FAM171A1: variants seen among roughly 807,000 people sequenced by gnomAD.
The protein encoded by FAM171A1 is family with sequence similarity 171 member A1, also known as protein FAM171A1.
FAM171A1 carries 23 observed loss-of-function variants against 74.9 expected under a neutral mutation model. The ratio of observed to expected loss-of-function variants is 0.31; its 90% CI spans 0.22 to 0.44. The LOEUF is 0.44. Among genes scored for constraint, FAM171A1 ranks in the 20% least tolerant of loss-of-function variants. The pLI is 1.00. For synonymous variants in FAM171A1, 527 were observed against 505.7 expected (o/e 1.04, Z -0.57); for missense variants, 1,162 against 1,159.2 (o/e 1.00, Z -0.03).
rs1389780961 is a variant in FAM171A1 at position 15,248,736 on chromosome 10, C to A, written c.657G>T (p.Leu219=). ...HLLSSNGTPV[L]VDGPIYVTVP... ...CAGTGACATAGATGGGACCATCCAC[C>A]AGCACCGGCGTTCCATTACTGCTCA... The change falls in exon 5 of 8, where the codon CTG becomes CTT. Residue 219 remains leucine, a synonymous_variant. Coordinates refer to ENST00000378116, the MANE Select transcript of FAM171A1 (RefSeq NM_001010924.2). 4.3e-6 allele frequency: 7 copies of A among 1,613,876 alleles called. No homozygotes were observed. Among genetic ancestry groups the A allele is most frequent in the Non-Finnish European group, 5.9e-6 (7 of 1,179,852 alleles).
chr10:15,247,164 T>C (rs1041505752), intron 5 of FAM171A1, among the ~76,000 whole-genome samples: 2 of 152,230 alleles, frequency 1.3e-5, no homozygotes, highest in African/African-American at 4.8e-5. Context: ...AAGTATGATA[T>C]ATCCACAGGG....
In FAM171A1 at chr10:15,312,689, T is replaced by G. The variant is rs1386831600; in HGVS notation, c.98-28584A>C. The stretch of plus-strand genomic sequence containing the variant: ...GCACTGTGTGTTTTTTTTTTTTTTT[T>G]TTTTTTTTTTTTTTTTTTTTTTTTT... On this transcript the variant is annotated intron_variant, in intron 1 of 7. Coordinates refer to ENST00000378116, the MANE Select transcript of FAM171A1 (RefSeq NM_001010924.2). 4.6e-3 allele frequency among the ~76,000 whole-genome samples: 324 copies of G among 70,312 alleles called. 1 individual carries two copies. Among genetic ancestry groups the G allele is most frequent in the Non-Finnish European group, 7.4e-3 (243 of 32,914 alleles). The allele number at this position is 70,312 out of a possible 152,430, so 46.1% of individuals were successfully genotyped here. A position where few individuals can be genotyped will look rare whatever the true frequency, so the allele number is the denominator to read the frequency against.
chr10:15,292,715 G>A (rs7920015), intron 1 of FAM171A1, among the ~76,000 whole-genome samples: 1 of 151,982 alleles, frequency 6.6e-6, no homozygotes, highest in Non-Finnish European at 1.5e-5. Flanking sequence ...TGAACTCCCG[G>A]ACTCAAGCAA....
At chr10:15,321,612 A>G (rs1437097276) in intron 1 of FAM171A1, among the ~76,000 whole-genome samples, 2 of 152,196 alleles carry the variant, frequency 1.3e-5, no homozygotes, top group African/African-American at 4.8e-5. Context: ...CAAAAGACAA[A>G]CTTTGAGTTT....
intron 1 of FAM171A1, among the ~76,000 whole-genome samples, chr10:15,344,334 G>C (rs1009420000): frequency 6.6e-6 from 1 of 152,160 alleles, no homozygotes; most frequent in Admixed American, 6.5e-5. Flanking sequence ...TTGAGCCCAG[G>C]AGTTTGAGAC....
At chr10:15,298,476 G>C (rs1242876293) in intron 1 of FAM171A1, among the ~76,000 whole-genome samples, 1 of 152,170 alleles carries the variant, frequency 6.6e-6, no homozygotes, top group Non-Finnish European at 1.5e-5. Flanking sequence ...GAAATACTTA[G>C]ATGTAGCTTT....
chr10:15,371,502 T>C (rs994126719), upstream of FAM171A1, among the ~76,000 whole-genome samples: 1 of 151,996 alleles, frequency 6.6e-6, no homozygotes, highest in Non-Finnish European at 1.5e-5. Context: ...GGAGCCCTTT[T>C]CATCACACCA....
chr10:15,306,498 G>A (rs539814367), intron 1 of FAM171A1, among the ~76,000 whole-genome samples: 10 of 151,976 alleles, frequency 6.6e-5, no homozygotes, highest in Non-Finnish European at 1.3e-4. Context: ...TCGAGTAGCT[G>A]GGACTACAGG....
intron 1 of FAM171A1, among the ~76,000 whole-genome samples, chr10:15,367,567 G>A (rs1297926445): frequency 6.6e-6 from 1 of 152,160 alleles, no homozygotes; most frequent in Non-Finnish European, 1.5e-5. Flanking sequence ...CGTAAGTTAG[G>A]CTTGTTGGAT....
chr10:15,312,571 G>T (rs1835372531), intron 1 of FAM171A1, among the ~76,000 whole-genome samples: 1 of 149,840 alleles, frequency 6.7e-6, no homozygotes, highest in Admixed American at 6.7e-5. Flanking sequence ...TCAGATTGTG[G>T]CTCACAGAGG....
intron 5 of FAM171A1, among the ~76,000 whole-genome samples, chr10:15,235,724 T>G (rs2131739761): frequency 6.6e-6 from 1 of 152,336 alleles, no homozygotes; most frequent in Non-Finnish European, 1.5e-5. Context: ...GCAGAATATT[T>G]TCATGTTAAG....
At position 15,214,265 on chromosome 10, in the gene FAM171A1, C is replaced by T; in HGVS notation, c.1323G>A (p.Gln441=). 6.2e-7 allele frequency: 1 copy of T among 1,614,108 alleles called. No individual in the cohort carries two copies. The highest frequency in any genetic ancestry group is 8.5e-7 in the Non-Finnish European group (1 of 1,180,018). ...LLSCKEEDKS[Q]ISFDNLTPSG... ...TTGGAGTGAGGTTATCAAAGGAGAT[C>T]TGGCTTTTATCCTCTTCCTTGCAAG... The change falls in exon 8 of 8, where the codon CAG becomes CAA. Residue 441 remains glutamine, a synonymous_variant. Coordinates refer to ENST00000378116, the MANE Select transcript of FAM171A1 (RefSeq NM_001010924.2).
intron 1 of FAM171A1, among the ~76,000 whole-genome samples, chr10:15,343,881 T>C (rs1189344501): frequency 6.6e-6 from 1 of 152,204 alleles, no homozygotes; most frequent in Admixed American, 6.5e-5. Context: ...AATGTTTTTG[T>C]TCCTAAGACA....
At chr10:15,311,149 T>A (rs1210112653) in intron 1 of FAM171A1, among the ~76,000 whole-genome samples, 1 of 152,198 alleles carries the variant, frequency 6.6e-6, no homozygotes, top group Non-Finnish European at 1.5e-5. Flanking sequence ...ACAATACACA[T>A]TTACAGTTGT....
At chr10:15,354,360 G>A (rs955853307) in intron 1 of FAM171A1, among the ~76,000 whole-genome samples, 3 of 152,054 alleles carry the variant, frequency 2.0e-5, no homozygotes, top group Non-Finnish European at 4.4e-5. Flanking sequence ...GCCAAGTGTT[G>A]TGGCACTTGC....
chr10:15,299,015 G>A (rs982517784), intron 1 of FAM171A1, among the ~76,000 whole-genome samples: 1 of 152,134 alleles, frequency 6.6e-6, no homozygotes, highest in African/African-American at 2.4e-5. Context: ...CTACCTCCCA[G>A]GTTCAAGTGA....
intron 3 of FAM171A1, among the ~76,000 whole-genome samples, chr10:15,265,322 A>G (rs1181458313): frequency 1.3e-5 from 2 of 151,986 alleles, no homozygotes; most frequent in African/African-American, 2.4e-5. Context: ...CAGAACAAAG[A>G]AAATAAGTGG....
intron 1 of FAM171A1, among the ~76,000 whole-genome samples, chr10:15,288,907 C>T (rs1835071576): frequency 6.9e-6 from 1 of 144,066 alleles, no homozygotes; most frequent in Admixed American, 7.2e-5. Context: ...ACTGCAACCT[C>T]CACTTCCCGG....
chr10:15,309,156 C>T (rs1414641100), intron 1 of FAM171A1, among the ~76,000 whole-genome samples: 25 of 152,152 alleles, frequency 1.6e-4, no homozygotes, highest in Admixed American at 1.6e-3. Flanking sequence ...ATGTACATAA[C>T]ATAAACATGA....
Sources: gnomAD v4.1 joint callset for allele counts (sites outside exome capture counted in the v4.1 genomes callset) on GRCh38, gnomAD v4.1.1 for gene constraint, MANE v1.5 for transcripts, NCBI Gene and HGNC (gene_info 2026-07-23, HGNC 2026-07-21) for gene names.